Variants in LRP1B observed in about 807,000 individuals in gnomAD.
LRP1B encodes the protein LDL receptor related protein 1B.
A neutral mutation model predicts 556.6 loss-of-function variants in LRP1B; 217 were observed. The observed-to-expected ratio is 0.39, with a 90% confidence interval of 0.35 to 0.44. The LOEUF (loss-of-function observed/expected upper bound fraction) is 0.44, where lower values mean the gene tolerates loss of function less well. Among genes scored for constraint, LRP1B ranks in the 20% least tolerant of loss-of-function variants. The probability of loss-of-function intolerance (pLI) is 1.00; values close to 1 mark genes in which losing one functional copy is unlikely to be tolerated. For missense variants in LRP1B, 5,053 were observed against 5,620.8 expected (o/e 0.90, Z 3.23); for synonymous variants, 2,047 against 1,865.8 (o/e 1.10, Z -2.50).
chr2:140,353,359 T>A (rs1293310260), intron 75 of LRP1B, among the ~76,000 whole-genome samples: 1 of 152,044 alleles, frequency 6.6e-6, no homozygotes, highest in Non-Finnish European at 1.5e-5. Flanking sequence ...TCTTAAAATT[T>A]TTACTTATTT....
At chr2:141,845,332 G>C (rs1336908516) in intron 1 of LRP1B, among the ~76,000 whole-genome samples, 1 of 151,828 alleles carries the variant, frequency 6.6e-6, no homozygotes, top group Non-Finnish European at 1.5e-5. Context: ...ATAAAAAACT[G>C]CTTGGAGGTA....
rs2105456005 is a variant in LRP1B at position 141,055,204 on chromosome 2, G to A, written c.1464C>T (p.His488=). 6.2e-7 allele frequency: 1 copy of A among 1,612,284 alleles called. No homozygotes were observed. The highest frequency in any genetic ancestry group is 1.7e-5 in the Admixed American group (1 of 59,788). Residue 488 remains histidine (H), a synonymous_variant, in exon 10 of 91, where the codon CAC becomes CAT. Transcript: ENST00000389484. ...TGTAACTGCTGCTGAGTAGACAGAT[G>A]TGTGAACAGCCCCCTGGCATTCCAT... The part of the protein sequence containing the change: ...DPYGMPGGCS[H]ICLLSSSYKT...
At chr2:141,734,687 G>A (rs1693400371) in intron 2 of LRP1B, among the ~76,000 whole-genome samples, 1 of 152,098 alleles carries the variant, frequency 6.6e-6, no homozygotes, top group South Asian at 2.1e-4. Flanking sequence ...CTCTCTGCCT[G>A]TCTCCTTGGC....
chr2:141,248,646 G>A (rs1056254750), intron 4 of LRP1B, among the ~76,000 whole-genome samples: 1 of 152,148 alleles, frequency 6.6e-6, no homozygotes, highest in African/African-American at 2.4e-5. Flanking sequence ...AACTGGGAAA[G>A]TACTTTGGGA....
chr2:141,754,708 A>G (rs1005771967), intron 2 of LRP1B, among the ~76,000 whole-genome samples: 4 of 152,134 alleles, frequency 2.6e-5, no homozygotes, highest in Non-Finnish European at 5.9e-5. Context: ...TTAACCCAAT[A>G]GCTGTGACCA....
intron 43 of LRP1B, among the ~76,000 whole-genome samples, chr2:140,591,057 A>G: frequency 6.6e-6 from 1 of 152,316 alleles, no homozygotes; most frequent in East Asian, 1.9e-4. Flanking sequence ...TTTTAAATAA[A>G]TTAGAAAGTT....
At chr2:141,002,130 G>T (rs990413845) in intron 15 of LRP1B, among the ~76,000 whole-genome samples, 3 of 151,790 alleles carry the variant, frequency 2.0e-5, no homozygotes, top group African/African-American at 7.3e-5. Flanking sequence ...ATAAAGAAAC[G>T]GAAACAATCA....
intron 2 of LRP1B, among the ~76,000 whole-genome samples, chr2:141,751,142 GA>G (rs1694096288): frequency 6.6e-6 from 1 of 151,758 alleles, no homozygotes; most frequent in Non-Finnish European, 1.5e-5. Flanking sequence ...TATACTGGAG[GA>G]AAAAGTTAAC....
In LRP1B at chr2:142,010,854, C is replaced by T. The variant is rs1053238674; in HGVS notation, c.82+119794G>A. Among the ~76,000 whole-genome samples, 38 of 152,108 alleles carry T rather than the reference C, an allele frequency of 2.5e-4. 1 individual carries two copies. The highest frequency in any genetic ancestry group is 2.1e-3 in the Admixed American group (32 of 15,264). ...AGAAGGCGACATCATTTTGGTTGCTCCACGACTGAAGAGACCACCTCAGGG... is the reference window on the plus strand; with the variant it reads ...AGAAGGCGACATCATTTTGGTTGCTTCACGACTGAAGAGACCACCTCAGGG... On this transcript the variant is annotated intron_variant, in intron 1 of 90. Coordinates refer to ENST00000389484, the MANE Select transcript of LRP1B (RefSeq NM_018557.3).
intron 41 of LRP1B, among the ~76,000 whole-genome samples, chr2:140,630,900 C>T (rs1057266542): frequency 5.9e-5 from 9 of 152,080 alleles, no homozygotes; most frequent in Non-Finnish European, 4.4e-5. Context: ...GGACAGAAGC[C>T]CACTGATAAC....
chr2:140,950,064 A>G (rs915813115), intron 20 of LRP1B, among the ~76,000 whole-genome samples, 171 bp downstream of exon 20: 3 of 152,108 alleles, frequency 2.0e-5, no homozygotes, highest in Admixed American at 2.0e-4. Flanking sequence ...ACCAAAGGGA[A>G]AAAGCAAAGA....
chr2:141,158,037 A>G (rs1003542445), intron 7 of LRP1B, among the ~76,000 whole-genome samples: 1 of 152,124 alleles, frequency 6.6e-6, no homozygotes, highest in Non-Finnish European at 1.5e-5. Flanking sequence ...TAATGTGTTT[A>G]TTTATGGCTA....
At chr2:141,093,802 C>A (rs1465316418) in intron 7 of LRP1B, among the ~76,000 whole-genome samples, 1 of 151,906 alleles carries the variant, frequency 6.6e-6, no homozygotes, top group African/African-American at 2.4e-5. Flanking sequence ...GCAACCTCCA[C>A]CCCCCGGGTT....
At chr2:141,212,546 A>G (rs1331186831) in intron 6 of LRP1B, among the ~76,000 whole-genome samples, 1 of 151,490 alleles carries the variant, frequency 6.6e-6, no homozygotes, top group Non-Finnish European at 1.5e-5. Flanking sequence ...GGCCTCCCAG[A>G]GTGCTAGGAT....
intron 35 of LRP1B, among the ~76,000 whole-genome samples, chr2:140,723,191 G>A (rs1297428318): frequency 6.6e-6 from 1 of 152,132 alleles, no homozygotes; most frequent in Non-Finnish European, 1.5e-5. Flanking sequence ...TGTATAAAAG[G>A]TGTATATTTT....
At chr2:141,622,406 TTTTGA>T (rs1250625918) in intron 2 of LRP1B, among the ~76,000 whole-genome samples, 1 of 152,202 alleles carries the variant, frequency 6.6e-6, no homozygotes, top group Non-Finnish European at 1.5e-5. Flanking sequence ...AGTGGATTCT[TTTTGA>T]TTTATGTGAC....
At position 141,872,200 on chromosome 2, in the gene LRP1B, G is replaced by A. The variant is rs1045068624; in HGVS notation, c.83-61799C>T. 2.0e-5 allele frequency among the ~76,000 whole-genome samples: 3 copies of A among 152,028 alleles called. No individual in the cohort carries two copies. In the South Asian group the frequency reaches 6.2e-4, roughly 32 times the overall value. ...AGAGGTATCCCTGACAGTCACGAAG[G>A]TAAAGAATAAATATTCATGTATGTG... On this transcript the variant is annotated intron_variant, in intron 1 of 90. Coordinates refer to ENST00000389484, the MANE Select transcript of LRP1B (RefSeq NM_018557.3).
At chr2:141,453,566 A>C (rs1681504734) in intron 3 of LRP1B, among the ~76,000 whole-genome samples, 1 of 152,192 alleles carries the variant, frequency 6.6e-6, no homozygotes, top group African/African-American at 2.4e-5. Flanking sequence ...CATATTTGAC[A>C]ATGTTATACC....
chr2:141,836,958 A>G (rs1309910948), intron 1 of LRP1B, among the ~76,000 whole-genome samples: 1 of 152,002 alleles, frequency 6.6e-6, no homozygotes, highest in Non-Finnish European at 1.5e-5. Context: ...CTTTAAAACA[A>G]TTAAGTTTAT....
Sources: gnomAD v4.1 joint callset for allele counts (sites outside exome capture counted in the v4.1 genomes callset) on GRCh38, gnomAD v4.1.1 for gene constraint, MANE v1.5 for transcripts, NCBI Gene and HGNC (gene_info 2026-07-23, HGNC 2026-07-21) for gene names.